Variants in KLHL1 observed in about 807,000 individuals in gnomAD.
KLHL1 encodes kelch-like protein 1.
In KLHL1, 47 loss-of-function variants were observed where a neutral mutation model predicts 77.7. The observed-to-expected ratio is 0.60, with a 90% CI of 0.48 to 0.77. The LOEUF is 0.77. KLHL1 is among the 30% of genes least tolerant of loss of function. The probability of loss-of-function intolerance (pLI) is 0.00; values close to 1 mark genes in which losing one functional copy is unlikely to be tolerated. For synonymous variants in KLHL1, 360 were observed against 325.2 expected (o/e 1.11, Z -1.15); for missense variants, 925 against 910.8 (o/e 1.02, Z -0.20).
chr13:70,002,282 G>A (rs1406427630), intron 1 of KLHL1, among the ~76,000 whole-genome samples: 1 of 151,432 alleles, frequency 6.6e-6, no homozygotes, highest in Non-Finnish European at 1.5e-5. Flanking sequence ...CAGCAGACAA[G>A]GTCTTTAAAG....
chr13:69,789,041 ATCTATCTATCT>A (rs1305910908), intron 7 of KLHL1, among the ~76,000 whole-genome samples: 7 of 64,606 alleles, frequency 1.1e-4, no homozygotes, highest in Admixed American at 7.8e-4. Context: ...CTATCTATCT[ATCTATCTATCT>A]ATCTATCTAT....
chr13:69,940,087 C>A lies in KLHL1; in HGVS notation c.967G>T (p.Ala323Ser), dbSNP rs142899951. The stretch of plus-strand genomic sequence containing the variant: ...TTCATTAACTCAATGCATCCTTGAG[C>A]ATCTGCGAAGGCTCGAATTCCTAAA... ...NCLGIRAFADAQGCIELMKVA... is the reference protein window; with the variant it reads ...NCLGIRAFADSQGCIELMKVA... Residue 323 changes from alanine (A) to serine (S), a missense_variant, in exon 4 of 11, where the codon GCT (alanine) becomes TCT (serine). Ala to Ser is a moderately conservative substitution (Grantham distance 99, BLOSUM62 1). Transcript: ENST00000377844. The A allele has an allele frequency of 9.3e-6, 15 of 1,612,350 alleles. No homozygotes were observed. In the African/African-American group the frequency reaches 1.7e-4, roughly 19 times the overall value.
At chr13:69,826,421 C>T (rs991946452) in intron 6 of KLHL1, among the ~76,000 whole-genome samples, 23 of 152,014 alleles carry the variant, frequency 1.5e-4, no homozygotes, top group African/African-American at 4.4e-4. Context: ...TTTGTGTCCA[C>T]TAAAAACACA....
intron 1 of KLHL1, among the ~76,000 whole-genome samples, chr13:70,067,731 C>G (rs1045384695): frequency 3.9e-5 from 6 of 152,146 alleles, no homozygotes; most frequent in Admixed American, 2.0e-4. Context: ...ATCAATGAGA[C>G]TTTCTAAGAG....
At chr13:69,862,995 A>C (rs1430265302) in intron 5 of KLHL1, among the ~76,000 whole-genome samples, 2 of 152,170 alleles carry the variant, frequency 1.3e-5, no homozygotes, top group Admixed American at 6.6e-5. Flanking sequence ...GTATGTTTTT[A>C]TGTTAAAATT....
intron 2 of KLHL1, among the ~76,000 whole-genome samples, chr13:69,971,272 C>G (rs1884373096): frequency 6.6e-6 from 1 of 152,062 alleles, no homozygotes; most frequent in Admixed American, 6.6e-5. Context: ...AGGCCTGGAA[C>G]ATAATCAATG....
At chr13:69,914,207 A>T (rs1212611834) in intron 4 of KLHL1, among the ~76,000 whole-genome samples, 4 of 152,126 alleles carry the variant, frequency 2.6e-5, no homozygotes, top group African/African-American at 9.7e-5. Context: ...CCCTTTATAT[A>T]TACATCTATC....
intron 7 of KLHL1, 119 bp from the exon 8 acceptor site, chr13:69,740,675 A>AT: frequency 3.2e-6 from 2 of 632,214 alleles, no homozygotes; most frequent in Non-Finnish European, 4.8e-6. Flanking sequence ...ATGAAAAAAA[A>AT]TTAAAAATTG....
At chr13:69,973,782 T>G (rs1593640042) in intron 2 of KLHL1, among the ~76,000 whole-genome samples, 1 of 152,042 alleles carries the variant, frequency 6.6e-6, no homozygotes, top group East Asian at 1.9e-4. Context: ...AGTCCTAAGA[T>G]GTACATTACT....
At chr13:70,044,169 A>T (rs143091524) in intron 1 of KLHL1, among the ~76,000 whole-genome samples, 1 of 152,240 alleles carries the variant, frequency 6.6e-6, no homozygotes, top group African/African-American at 2.4e-5. Flanking sequence ...CTCACAGCCC[A>T]GTTCATACTG....
chr13:69,920,532 A>C (rs936273354), intron 4 of KLHL1, among the ~76,000 whole-genome samples: 18 of 152,116 alleles, frequency 1.2e-4, no homozygotes, highest in Non-Finnish European at 2.9e-5. Flanking sequence ...GGATTGAATT[A>C]ATTAAGAAAA....
At chr13:69,791,403 G>T (rs140346144) in intron 7 of KLHL1, among the ~76,000 whole-genome samples, 40 of 151,836 alleles carry the variant, frequency 2.6e-4, no homozygotes, top group African/African-American at 9.4e-4. Flanking sequence ...TAAATCCCAG[G>T]TACCCTTTTG....
At chr13:69,926,621 A>G (rs1882821586) in intron 4 of KLHL1, among the ~76,000 whole-genome samples, 1 of 152,084 alleles carries the variant, frequency 6.6e-6, no homozygotes, top group Non-Finnish European at 1.5e-5. Context: ...AAATATAGGG[A>G]ACCAAAAATA....
chr13:69,957,855 T>A (rs1377117618), intron 3 of KLHL1, among the ~76,000 whole-genome samples: 1 of 151,792 alleles, frequency 6.6e-6, no homozygotes, highest in Non-Finnish European at 1.5e-5. Context: ...TACTGCTAAT[T>A]AAGAATTTAG....
chr13:69,762,492 A>G (rs1875077302), intron 7 of KLHL1, among the ~76,000 whole-genome samples: 1 of 151,878 alleles, frequency 6.6e-6, no homozygotes, highest in African/African-American at 2.4e-5. Flanking sequence ...TTCATGATCT[A>G]AAATCCATGT....
At chr13:69,727,583 A>C (rs1180096384) in intron 8 of KLHL1, among the ~76,000 whole-genome samples, 1 of 152,130 alleles carries the variant, frequency 6.6e-6, no homozygotes, top group Admixed American at 6.6e-5. Flanking sequence ...AAAGAAAGTG[A>C]AGTCTAAGCT....
intron 1 of KLHL1, among the ~76,000 whole-genome samples, chr13:69,993,199 T>C (rs74092313): frequency 1.1e-4 from 16 of 152,192 alleles, no homozygotes; most frequent in African/African-American, 3.9e-4. Context: ...GAATGAGATA[T>C]AGGGTTTATC....
At chr13:69,885,368 C>T (rs2138200273) in intron 4 of KLHL1, among the ~76,000 whole-genome samples, 1 of 152,122 alleles carries the variant, frequency 6.6e-6, no homozygotes, top group East Asian at 1.9e-4. Context: ...GAAATGGGAC[C>T]TCAGGAGCTG....
At chr13:70,020,307 G>T (rs1016100882) in intron 1 of KLHL1, among the ~76,000 whole-genome samples, 1 of 152,082 alleles carries the variant, frequency 6.6e-6, no homozygotes, top group Non-Finnish European at 1.5e-5. Context: ...TGGTTCACTA[G>T]CAGAGTGAAC....
Sources: gnomAD v4.1 joint callset for allele counts (sites outside exome capture counted in the v4.1 genomes callset) on GRCh38, gnomAD v4.1.1 for gene constraint, MANE v1.5 for transcripts, NCBI Gene and HGNC (gene_info 2026-07-23, HGNC 2026-07-21) for gene names.